FCHSD2: variants seen among roughly 807,000 people sequenced by gnomAD.
FCHSD2 encodes FCH and double SH3 domains 2, also known as F-BAR and double SH3 domains protein 2.
A neutral mutation model predicts 108.1 loss-of-function variants in FCHSD2; 38 were observed. That is an observed-to-expected ratio of 0.35 (90% CI 0.27 to 0.46). FCHSD2 has a LOEUF of 0.46. Ranked by LOEUF, FCHSD2 falls within the 20% of genes least tolerant of loss-of-function variation. The pLI is 1.00. For missense variants in FCHSD2, 751 were observed against 897.8 expected (o/e 0.84, Z 2.09); for synonymous variants, 279 against 314.7 (o/e 0.89, Z 1.20).
intron 4 of FCHSD2, among the ~76,000 whole-genome samples, chr11:73,011,042 T>C (rs1375998041): frequency 1.3e-5 from 2 of 152,042 alleles, no homozygotes; most frequent in Non-Finnish European, 1.5e-5. Flanking sequence ...TCAGCTGTGA[T>C]TGTAGTGGCA....
intron 8 of FCHSD2, among the ~76,000 whole-genome samples, chr11:72,963,118 T>C (rs1367531930): frequency 1.3e-5 from 2 of 152,222 alleles, no homozygotes; most frequent in Non-Finnish European, 2.9e-5. Flanking sequence ...GCCTAGCATA[T>C]ACTCAGTACT....
chr11:73,130,626 T>C (rs531692671), intron 2 of FCHSD2, among the ~76,000 whole-genome samples: 1 of 152,290 alleles, frequency 6.6e-6, no homozygotes, highest in African/African-American at 2.4e-5. Flanking sequence ...GAGTCACCAA[T>C]AGGAAGAGGT....
At chr11:72,882,546 C>G (rs1480989592) in intron 12 of FCHSD2, among the ~76,000 whole-genome samples, 2 of 152,042 alleles carry the variant, frequency 1.3e-5, no homozygotes, top group African/African-American at 4.8e-5. Context: ...TTGAAATGTT[C>G]TAAATATAAA....
chr11:73,036,302 A>T (rs996063342), intron 3 of FCHSD2, among the ~76,000 whole-genome samples: 1 of 152,138 alleles, frequency 6.6e-6, no homozygotes, highest in South Asian at 2.1e-4. Context: ...GAAACAACCA[A>T]AGAAGTATAG....
intron 13 of FCHSD2, among the ~76,000 whole-genome samples, chr11:72,863,104 T>C (rs559314663): frequency 1.3e-5 from 2 of 152,194 alleles, no homozygotes; most frequent in South Asian, 2.1e-4. Flanking sequence ...AATTTTTTTT[T>C]TTCTTTTTTT....
At position 72,846,504 on chromosome 11, in the gene FCHSD2, C is replaced by T. The variant is rs1861147844; in HGVS notation, c.1444-2972G>A. Among the ~76,000 whole-genome samples the T allele has an allele frequency of 1.3e-5, 2 of 152,062 alleles. 1 individual carries two copies. Among genetic ancestry groups the T allele is most frequent in the Non-Finnish European group, 2.9e-5 (2 of 68,002 alleles). On this transcript the variant is annotated intron_variant, in intron 14 of 19. Coordinates refer to ENST00000409418, the MANE Select transcript of FCHSD2 (RefSeq NM_014824.3). ...CCCCATTTTGTTCTTAAAAGGCTCT[C>T]TGAGCGTCCCCATAACACTGACTAC...
At chr11:72,864,170 C>T (rs187551304) in intron 13 of FCHSD2, among the ~76,000 whole-genome samples, 92 of 152,184 alleles carry the variant, frequency 6.0e-4, no homozygotes, top group Admixed American at 5.0e-3. Flanking sequence ...TGGCTGAAAA[C>T]GGGGAAGTGA....
chr11:73,051,974 C>T (rs1320390183), intron 3 of FCHSD2, among the ~76,000 whole-genome samples: 1 of 151,744 alleles, frequency 6.6e-6, no homozygotes, highest in African/African-American at 2.4e-5. Context: ...TGGAAATATT[C>T]AGTGAATCTG....
intron 8 of FCHSD2, among the ~76,000 whole-genome samples, chr11:72,944,444 T>C (rs565023485): frequency 1.1e-4 from 16 of 152,318 alleles, no homozygotes; most frequent in Middle Eastern, 3.4e-3. Flanking sequence ...GCCAATATCA[T>C]ACTGAATGGG....
intron 8 of FCHSD2, among the ~76,000 whole-genome samples, chr11:72,922,254 G>T (rs1855988913): frequency 6.6e-6 from 1 of 152,106 alleles, no homozygotes; most frequent in Non-Finnish European, 1.5e-5. Flanking sequence ...TTAGGTGTAG[G>T]AGTTAAGTGA....
At chr11:73,041,060 T>C (rs1349147379) in intron 3 of FCHSD2, among the ~76,000 whole-genome samples, 5 of 152,236 alleles carry the variant, frequency 3.3e-5, no homozygotes, top group Admixed American at 1.3e-4. Context: ...TGACAGAATT[T>C]CATTCTTTTT....
chr11:72,846,085 T>C (rs569328449), intron 14 of FCHSD2, among the ~76,000 whole-genome samples: 1,269 of 46,688 alleles, frequency 0.027, 16 homozygotes, highest in African/African-American at 0.065. Context: ...GATAGATAGA[T>C]AGATAGATAA....
chr11:72,884,195 C>A (rs1481253768), intron 12 of FCHSD2, among the ~76,000 whole-genome samples: 1 of 152,096 alleles, frequency 6.6e-6, no homozygotes, highest in Admixed American at 6.6e-5. Flanking sequence ...AAAACACTAA[C>A]CTGCCTCTAA....
Position 73,000,978 on chromosome 11 carries a change from TA to T in FCHSD2, c.387+11del. 6.3e-7 allele frequency: 1 copy of T among 1,593,822 alleles called. No homozygotes were observed. The highest frequency in any genetic ancestry group is 8.6e-7 in the Non-Finnish European group (1 of 1,169,026). ...ATTAAAATGCATATAAGAACAGAAA[TA>T]AAAACAATACCCTTTTTAGTTGCTG... On this transcript the variant is annotated intron_variant, in intron 5 of 19. Transcript: ENST00000409418.
intron 3 of FCHSD2, among the ~76,000 whole-genome samples, chr11:73,058,175 G>C (rs755234831): frequency 1.6e-4 from 24 of 152,232 alleles, no homozygotes; most frequent in South Asian, 6.2e-4. Flanking sequence ...CACTGTGCCT[G>C]GCCAATTCTG....
intron 2 of FCHSD2, among the ~76,000 whole-genome samples, chr11:73,112,319 T>C (rs1434307907): frequency 6.6e-6 from 1 of 152,236 alleles, no homozygotes; most frequent in African/African-American, 2.4e-5. Context: ...TGTCACTCTT[T>C]CCTGGTCTGT....
intron 8 of FCHSD2, among the ~76,000 whole-genome samples, chr11:72,975,979 A>G (rs1344567940): frequency 1.3e-5 from 2 of 152,234 alleles, no homozygotes; most frequent in Non-Finnish European, 2.9e-5. Flanking sequence ...CTTCTAAAAA[A>G]TGTTAGTTCA....
At chr11:73,087,544 A>C (rs1220365176) in intron 2 of FCHSD2, among the ~76,000 whole-genome samples, 1 of 151,862 alleles carries the variant, frequency 6.6e-6, no homozygotes, top group Non-Finnish European at 1.5e-5. Flanking sequence ...ATCTCTACTA[A>C]ACATACAAAA....
intron 6 of FCHSD2, among the ~76,000 whole-genome samples, chr11:72,985,454 C>T (rs185879396): frequency 2.0e-5 from 3 of 151,590 alleles, no homozygotes; most frequent in Admixed American, 1.3e-4. Flanking sequence ...ATTCTCAGTA[C>T]CATACAACTT....
Sources: gnomAD v4.1 joint callset for allele counts (sites outside exome capture counted in the v4.1 genomes callset) on GRCh38, gnomAD v4.1.1 for gene constraint, MANE v1.5 for transcripts, NCBI Gene and HGNC (gene_info 2026-07-23, HGNC 2026-07-21) for gene names.